FRMD4A: variants seen among roughly 807,000 people sequenced by gnomAD.
The protein encoded by FRMD4A is FERM domain-containing protein 4A.
FRMD4A carries 29 observed loss-of-function variants against 129.1 expected under a neutral mutation model. The ratio of observed to expected loss-of-function variants is 0.22; its 90% confidence interval spans 0.17 to 0.31. FRMD4A has a LOEUF of 0.31. FRMD4A is among the 10% of genes least tolerant of loss of function. The pLI, the probability that FRMD4A is intolerant of heterozygous loss-of-function variation, is 1.00. For missense variants in FRMD4A, 1,272 were observed against 1,375.8 expected (o/e 0.92, Z 1.19); for synonymous variants, 634 against 571.6 (o/e 1.11, Z -1.56).
chr10:14,287,369 T>C (rs1325702656), intron 2 of FRMD4A, among the ~76,000 whole-genome samples: 1 of 152,264 alleles, frequency 6.6e-6, no homozygotes, highest in East Asian at 1.9e-4. Flanking sequence ...TTTTGTATCC[T>C]CTCATGTTAG....
At chr10:14,010,595 T>C (rs763900719) in intron 2 of FRMD4A, among the ~76,000 whole-genome samples, 1 of 151,276 alleles carries the variant, frequency 6.6e-6, no homozygotes, top group Non-Finnish European at 1.5e-5. Context: ...GGTCCAAAAA[T>C]ATCTTTCTGA....
intron 9 of FRMD4A, among the ~76,000 whole-genome samples, chr10:13,746,186 G>C (rs1588530699): frequency 6.8e-6 from 1 of 146,174 alleles, no homozygotes; most frequent in African/African-American, 2.6e-5. Flanking sequence ...CTCTCAGAGA[G>C]ATGTGATTTA....
intron 2 of FRMD4A, among the ~76,000 whole-genome samples, chr10:14,275,765 GTGGCAGCTCACATCTGTAA>G (rs1215471917): frequency 6.6e-6 from 1 of 152,186 alleles, no homozygotes; most frequent in Non-Finnish European, 1.5e-5. Flanking sequence ...GTGGCCGGGA[GTGGCAGCTCACATCTGTAA>G]TCCCAGAACT....
In FRMD4A at chr10:13,762,660, G is replaced by T; in HGVS notation, c.405C>A (p.Ser135Arg). 1 of 1,607,562 alleles carries T rather than the reference G, an allele frequency of 6.2e-7. No homozygotes were observed. Among genetic ancestry groups the T allele is most frequent in the East Asian group, 2.2e-5 (1 of 44,824 alleles). The change falls in exon 7 of 25, where the codon AGC becomes AGA. Residue 135 changes from serine to arginine, a missense_variant. By Grantham distance (110) the Ser-to-Arg change is moderately radical. Transcript: ENST00000357447. ...CIYKELIDVD[S>R]EVVFELASYI... ...AGGAAGCTAATTCAAACACCACTTC[G>T]CTGTCAACGTCAATAAGCTCCTGAA...
At chr10:13,836,796 C>T (rs1449298870) in intron 3 of FRMD4A, among the ~76,000 whole-genome samples, 2 of 128,524 alleles carry the variant, frequency 1.6e-5, no homozygotes, top group Non-Finnish European at 3.1e-5. Context: ...CTCGCTCTGT[C>T]GCCAAGGCTG....
At chr10:14,124,907 T>A (rs1046249554) in intron 2 of FRMD4A, among the ~76,000 whole-genome samples, 13 of 152,162 alleles carry the variant, frequency 8.5e-5, no homozygotes, top group Non-Finnish European at 4.4e-5. Flanking sequence ...TGGTGACCCA[T>A]GATAACACCC....
At chr10:13,908,833 G>A (rs1459093864) in intron 2 of FRMD4A, among the ~76,000 whole-genome samples, 2 of 152,282 alleles carry the variant, frequency 1.3e-5, no homozygotes, top group East Asian at 3.9e-4. Flanking sequence ...TAAACAACAA[G>A]TTCATGTGTA....
At chr10:13,773,020 G>C (rs2130744221) in intron 6 of FRMD4A, among the ~76,000 whole-genome samples, 1 of 152,248 alleles carries the variant, frequency 6.6e-6, no homozygotes, top group Non-Finnish European at 1.5e-5. Context: ...CCCTGATGTG[G>C]TTATTACACA....
intron 2 of FRMD4A, among the ~76,000 whole-genome samples, chr10:14,004,697 A>G (rs1045400941): frequency 2.6e-5 from 4 of 152,206 alleles, no homozygotes; most frequent in African/African-American, 9.7e-5. Flanking sequence ...GTGATCCTTT[A>G]CAAGCACTGC....
chr10:13,820,773 G>A (rs1309704784), intron 3 of FRMD4A, among the ~76,000 whole-genome samples: 1 of 152,236 alleles, frequency 6.6e-6, no homozygotes, highest in Non-Finnish European at 1.5e-5. Context: ...CCGCCGCTCT[G>A]TGCCCAGCAC....
chr10:14,274,977 G>A (rs1385277653), intron 2 of FRMD4A, among the ~76,000 whole-genome samples: 1 of 152,206 alleles, frequency 6.6e-6, no homozygotes. Flanking sequence ...TTTTCAGGTT[G>A]ACTTCTGTCT....
intron 2 of FRMD4A, among the ~76,000 whole-genome samples, chr10:14,167,058 G>A (rs1030302555): frequency 4.0e-4 from 61 of 152,240 alleles, no homozygotes; most frequent in Admixed American, 3.8e-3. Context: ...AACATGAATC[G>A]ATAGTCTATT....
chr10:14,260,211 C>T (rs1272304535), intron 2 of FRMD4A, among the ~76,000 whole-genome samples: 1 of 152,166 alleles, frequency 6.6e-6, no homozygotes, highest in African/African-American at 2.4e-5. Context: ...ATCCAGCTTA[C>T]AACCGCTGCA....
In FRMD4A at chr10:14,258,461, C is replaced by A. The variant is rs142382188; in HGVS notation, c.45+71597G>T. Among the ~76,000 whole-genome samples the A allele has an allele frequency of 1.3e-4, 20 of 152,212 alleles. No homozygotes were observed. In the East Asian group the frequency reaches 2.1e-3, roughly 16 times the overall value. On this transcript the variant is annotated intron_variant, in intron 2 of 24. Transcript: ENST00000357447. ...GCACATGAAAAAATCCTCAGCACCA[C>A]GCATTATTAGGAAAAAGCAAATTAA...
chr10:14,279,478 C>T (rs1845448802), intron 2 of FRMD4A, among the ~76,000 whole-genome samples: 1 of 152,154 alleles, frequency 6.6e-6, no homozygotes, highest in African/African-American at 2.4e-5. Flanking sequence ...CAATTACAGG[C>T]ATAAGCCACC....
chr10:13,648,280 T>C (rs1193493860), intron 24 of FRMD4A: 1 of 152,182 alleles, frequency 6.6e-6, no homozygotes, highest in Non-Finnish European at 1.5e-5. Flanking sequence ...TTACTATATG[T>C]AGGTGGTATG....
chr10:13,970,098 T>G (rs909397445), intron 2 of FRMD4A, among the ~76,000 whole-genome samples: 2 of 152,228 alleles, frequency 1.3e-5, no homozygotes, highest in African/African-American at 4.8e-5. Context: ...TTCTTTCAGA[T>G]TCACAGCTTG....
intron 3 of FRMD4A, among the ~76,000 whole-genome samples, chr10:13,836,528 C>T (rs2093876320): frequency 1.3e-5 from 2 of 152,162 alleles, no homozygotes; most frequent in Non-Finnish European, 2.9e-5. Context: ...TGTTTGGAGC[C>T]ACCCGTTACC....
intron 2 of FRMD4A, among the ~76,000 whole-genome samples, chr10:13,952,897 T>C (rs1355873532): frequency 6.6e-6 from 1 of 151,568 alleles, no homozygotes; most frequent in East Asian, 1.9e-4. Flanking sequence ...GGTTTCGCCA[T>C]GTTGTCCAGA....
Sources: gnomAD v4.1 joint callset for allele counts (sites outside exome capture counted in the v4.1 genomes callset) on GRCh38, gnomAD v4.1.1 for gene constraint, MANE v1.5 for transcripts, NCBI Gene and HGNC (gene_info 2026-07-23, HGNC 2026-07-21) for gene names.